The following KIAA1328 variants were observed in gnomAD, a reference collection of about 807,000 sequenced individuals.
KIAA1328 encodes the protein KIAA1328.
A neutral mutation model predicts 68.1 loss-of-function variants in KIAA1328; 52 were observed. The ratio of observed to expected loss-of-function variants is 0.76; its 90% confidence interval spans 0.61 to 0.96. The LOEUF is 0.96. KIAA1328 is among the 40% of genes least tolerant of loss of function. The pLI, the probability that KIAA1328 is intolerant of heterozygous loss-of-function variation, is 0.00. For synonymous variants in KIAA1328, 232 were observed against 239.4 expected (o/e 0.97, Z 0.28); for missense variants, 641 against 677.6 (o/e 0.95, Z 0.60).
intron 8 of KIAA1328, among the ~76,000 whole-genome samples, chr18:37,166,658 T>A (rs2059395487): frequency 6.6e-6 from 1 of 152,138 alleles, no homozygotes; most frequent in African/African-American, 2.4e-5. Context: ...TGTTTCTCTG[T>A]TTTAACCTGT....
intron 6 of KIAA1328, among the ~76,000 whole-genome samples, chr18:36,975,794 T>G (rs1163914583): frequency 1.3e-5 from 2 of 152,240 alleles, no homozygotes; most frequent in Non-Finnish European, 2.9e-5. Context: ...TTTTCTCTTG[T>G]TGGTCTGTCT....
chr18:37,217,031 C>T (rs2060456914), intron 9 of KIAA1328, among the ~76,000 whole-genome samples: 2 of 140,486 alleles, frequency 1.4e-5, no homozygotes, highest in Non-Finnish European at 3.0e-5. Flanking sequence ...GTAGATCTTC[C>T]TCCATCCCTT....
chr18:37,223,512 T>C lies in KIAA1328; in HGVS notation c.*1285T>C. On this transcript the variant is annotated 3_prime_UTR_variant, in exon 10 of 10. Coordinates refer to ENST00000280020, the MANE Select transcript of KIAA1328 (RefSeq NM_020776.3). ...AGTCATTGAAAGCAAGGGGAGGGTG[T>C]GTTCCCAGATGTGTATTACTTGGGA... 1 of 985,346 alleles carries C rather than the reference T, an allele frequency of 1.0e-6. No individual in the cohort carries two copies. The highest frequency in any genetic ancestry group is 4.7e-5 in the South Asian group (1 of 21,276). 61.0% of individuals were successfully genotyped at this position (985,346 alleles called of 1,614,324 possible).
At chr18:37,103,069 C>T (rs899294806) in intron 7 of KIAA1328, among the ~76,000 whole-genome samples, 15 of 152,144 alleles carry the variant, frequency 9.9e-5, no homozygotes, top group African/African-American at 3.6e-4. Context: ...TCCATGCTCA[C>T]GGATTGGAAG....
intron 6 of KIAA1328, among the ~76,000 whole-genome samples, chr18:36,977,481 T>C (rs1295409392): frequency 6.6e-6 from 1 of 152,200 alleles, no homozygotes; most frequent in Admixed American, 6.5e-5. Context: ...TCTGGCCTGC[T>C]TGACAGATTG....
chr18:37,064,518 G>T (rs1267989034), intron 6 of KIAA1328, among the ~76,000 whole-genome samples: 1 of 149,912 alleles, frequency 6.7e-6, no homozygotes, highest in Non-Finnish European at 1.5e-5. Context: ...TTAAAAATAG[G>T]CATGGTAGAC....
intron 7 of KIAA1328, among the ~76,000 whole-genome samples, chr18:37,146,693 T>A (rs1034808899): frequency 1.3e-5 from 2 of 152,210 alleles, no homozygotes; most frequent in African/African-American, 4.8e-5. Context: ...TTGCATTTTC[T>A]TTGGTGATTT....
rs928361548 is a variant in KIAA1328, at chr18:36,989,787, C to T, written c.576+30352C>T. The stretch of plus-strand genomic sequence containing the variant: ...TCGGCTCACTTCAAGCTCCGCCCCC[C>T]GGGTTCATGCCGTTCTCCTGCCTCA... On this transcript the variant is annotated intron_variant, in intron 6 of 9. Transcript: ENST00000280020. Among the ~76,000 whole-genome samples, 43 of 152,088 alleles carry T rather than the reference C, an allele frequency of 2.8e-4. 1 individual carries two copies. The highest frequency in any genetic ancestry group is 8.8e-5 in the Non-Finnish European group (6 of 68,018).
chr18:36,953,538 T>G (rs1276564017), intron 5 of KIAA1328, among the ~76,000 whole-genome samples: 2 of 151,412 alleles, frequency 1.3e-5, no homozygotes, highest in Non-Finnish European at 2.9e-5. Context: ...TTATAAAAAT[T>G]TATTTGCTTA....
intron 6 of KIAA1328, among the ~76,000 whole-genome samples, chr18:36,979,852 G>A (rs2151366570): frequency 6.6e-6 from 1 of 152,268 alleles, no homozygotes; most frequent in African/African-American, 2.4e-5. Context: ...CCAGTGCTAT[G>A]GTCTGATTGT....
intron 6 of KIAA1328, among the ~76,000 whole-genome samples, chr18:37,052,120 C>G (rs1485880826): frequency 6.6e-6 from 1 of 151,266 alleles, no homozygotes; most frequent in Non-Finnish European, 1.5e-5. Context: ...GAAAACCAAA[C>G]CCAGCAACAC....
At chr18:36,834,128 A>C in intron 1 of KIAA1328, 192 bp from the exon 2 acceptor site, 1 of 914,450 alleles carries the variant, frequency 1.1e-6, no homozygotes, top group South Asian at 4.2e-5. Flanking sequence ...ATTTTGCTAC[A>C]TTTAATTCAA....
chr18:37,095,345 T>A (rs2057374866), intron 7 of KIAA1328, among the ~76,000 whole-genome samples: 1 of 152,056 alleles, frequency 6.6e-6, no homozygotes, highest in Admixed American at 6.6e-5. Context: ...AAAACAAATC[T>A]CAGCATCTAA....
At chr18:36,847,587 T>G (rs546738552) in intron 4 of KIAA1328, among the ~76,000 whole-genome samples, 44 of 151,670 alleles carry the variant, frequency 2.9e-4, no homozygotes, top group African/African-American at 1.0e-3. Flanking sequence ...TTTTTCCCCT[T>G]TTTTTACCCA....
chr18:36,904,313 T>G (rs186836129), intron 5 of KIAA1328, among the ~76,000 whole-genome samples: 44 of 152,280 alleles, frequency 2.9e-4, no homozygotes, highest in Non-Finnish European at 5.4e-4. Context: ...TATCAGTTAT[T>G]GAGAAAGGGG....
At chr18:37,047,971 G>A (rs1339350828) in intron 6 of KIAA1328, among the ~76,000 whole-genome samples, 1 of 152,050 alleles carries the variant, frequency 6.6e-6, no homozygotes, top group Non-Finnish European at 1.5e-5. Flanking sequence ...TTTTGGTTAT[G>A]CATACTACTC....
intron 5 of KIAA1328, among the ~76,000 whole-genome samples, chr18:36,917,658 A>G (rs1050086404): frequency 3.3e-5 from 5 of 152,184 alleles, no homozygotes; most frequent in Admixed American, 2.0e-4. Flanking sequence ...TTCTCTGTGT[A>G]TGTATATGCC....
chr18:36,841,913 A>G (rs1446208665), intron 3 of KIAA1328, among the ~76,000 whole-genome samples: 1 of 151,644 alleles, frequency 6.6e-6, no homozygotes, highest in Non-Finnish European at 1.5e-5. Flanking sequence ...TATTATGTTT[A>G]TGAGATTTCT....
At chr18:37,125,335 A>C (rs987724327) in intron 7 of KIAA1328, among the ~76,000 whole-genome samples, 1 of 152,102 alleles carries the variant, frequency 6.6e-6, no homozygotes, top group Non-Finnish European at 1.5e-5. Context: ...ACAAACAAAC[A>C]ACCTTGTGTG....
Sources: gnomAD v4.1 joint callset for allele counts (sites outside exome capture counted in the v4.1 genomes callset) on GRCh38, gnomAD v4.1.1 for gene constraint, MANE v1.5 for transcripts, NCBI Gene and HGNC (gene_info 2026-07-23, HGNC 2026-07-21) for gene names.